Variants in COL21A1 observed in about 807,000 individuals in gnomAD.
The protein encoded by COL21A1 is collagen alpha-1(XXI) chain.
In COL21A1, 149 loss-of-function variants were observed where a neutral mutation model predicts 137.9. That is an observed-to-expected ratio of 1.08 (90% confidence interval 0.95 to 1.24). The LOEUF is 1.24. COL21A1 is among the 50% of genes most tolerant of loss of function. The pLI, the probability that COL21A1 is intolerant of heterozygous loss-of-function variation, is 0.00. For synonymous variants in COL21A1, 456 were observed against 391.5 expected (o/e 1.16, Z -1.95); for missense variants, 1,167 against 1,158.4 (o/e 1.01, Z -0.11).
intron 1 of COL21A1, among the ~76,000 whole-genome samples, chr6:56,197,554 A>G (rs1270465134): frequency 6.6e-6 from 1 of 152,142 alleles, no homozygotes; most frequent in Non-Finnish European, 1.5e-5. Flanking sequence ...TGATGTAAAT[A>G]GACAATTTTC....
intron 1 of COL21A1, among the ~76,000 whole-genome samples, chr6:56,354,058 G>T (rs929893831): frequency 1.3e-5 from 2 of 152,200 alleles, no homozygotes; most frequent in Non-Finnish European, 2.9e-5. Context: ...AACAGAGAAT[G>T]AACTATTGCT....
At chr6:56,247,624 C>G (rs1213169146), upstream of COL21A1, 1 of 152,398 alleles carries the variant, frequency 6.6e-6, no homozygotes, top group African/African-American at 2.4e-5. Flanking sequence ...TCGCGCTCCC[C>G]ACCCGCCCCC....
chr6:56,194,121 C>T (rs879913987), intron 1 of COL21A1, among the ~76,000 whole-genome samples: 3 of 152,092 alleles, frequency 2.0e-5, no homozygotes, highest in Non-Finnish European at 2.9e-5. Context: ...ACCTTTCTTC[C>T]CAAAAGCCTC....
intron 1 of COL21A1, among the ~76,000 whole-genome samples, chr6:56,282,867 A>T (rs1309205404): frequency 6.6e-6 from 1 of 152,214 alleles, no homozygotes; most frequent in African/African-American, 2.4e-5. Context: ...AACCTATTGT[A>T]TGGCCACTTG....
In COL21A1 at chr6:56,200,843, G is replaced by A. The variant is rs200084460; in HGVS notation, c.-38-18187C>T. Among the ~76,000 whole-genome samples, 40 of 152,140 alleles carry A rather than the reference G, an allele frequency of 2.6e-4. 1 individual carries two copies. The East Asian group carries it at 7.7e-3, about 29-fold the overall frequency. On this transcript the variant is annotated intron_variant, in intron 1 of 29. Transcript: ENST00000244728. ...CAGTAATGGGATGGCTGGGTCAAATGGTACTTCTAGTTCTAGATGCCTGAG... is the reference window on the plus strand; with the variant it reads ...CAGTAATGGGATGGCTGGGTCAAATAGTACTTCTAGTTCTAGATGCCTGAG...
intron 12 of COL21A1, among the ~76,000 whole-genome samples, chr6:56,137,661 T>C (rs1379032271): frequency 2.0e-5 from 3 of 152,060 alleles, no homozygotes; most frequent in East Asian, 1.9e-4. Context: ...AAAAATCAAG[T>C]TTAGAACCAA....
intron 16 of COL21A1, among the ~76,000 whole-genome samples, chr6:56,122,139 G>A (rs1391548812): frequency 6.6e-6 from 1 of 151,558 alleles, no homozygotes. Flanking sequence ...CATGGTAATT[G>A]AAAGAACAAA....
intron 17 of COL21A1, among the ~76,000 whole-genome samples, chr6:56,100,830 T>G (rs1303365293): frequency 6.6e-6 from 1 of 152,158 alleles, no homozygotes; most frequent in African/African-American, 2.4e-5. Flanking sequence ...AACTGAACAC[T>G]TTGTGATAAA....
At chr6:56,318,278 T>A (rs1042703245) in intron 1 of COL21A1, among the ~76,000 whole-genome samples, 2 of 152,164 alleles carry the variant, frequency 1.3e-5, no homozygotes, top group Non-Finnish European at 2.9e-5. Flanking sequence ...TACTTACTCC[T>A]ATCCCTGTAC....
At chr6:56,264,859 C>G (rs931579828) in intron 1 of COL21A1, among the ~76,000 whole-genome samples, 1 of 152,182 alleles carries the variant, frequency 6.6e-6, no homozygotes, top group Non-Finnish European at 1.5e-5. Context: ...CTAAGTCCAA[C>G]GTACTGAAGT....
chr6:56,077,379 A>T (rs1316315102), intron 18 of COL21A1, 150 bp downstream of exon 18: 2 of 593,016 alleles, frequency 3.4e-6, no homozygotes, highest in Admixed American at 3.4e-5. Context: ...CAATATATAC[A>T]AATTTGTAAA....
chr6:56,099,263 T>C (rs1167567712), intron 17 of COL21A1, among the ~76,000 whole-genome samples: 2 of 143,778 alleles, frequency 1.4e-5, no homozygotes, highest in Non-Finnish European at 3.0e-5. Flanking sequence ...AGAGGGAGTT[T>C]AGCTCTGTCG....
intron 2 of COL21A1, among the ~76,000 whole-genome samples, chr6:56,182,189 T>C (rs2152282805): frequency 6.6e-6 from 1 of 152,322 alleles, no homozygotes; most frequent in South Asian, 2.1e-4. Flanking sequence ...GCCTTTGACA[T>C]GCATTATCTC....
intron 16 of COL21A1, among the ~76,000 whole-genome samples, chr6:56,114,386 T>C (rs1771720964): frequency 1.3e-5 from 2 of 152,238 alleles, no homozygotes; most frequent in Non-Finnish European, 2.9e-5. Flanking sequence ...CTCTTGCTTT[T>C]CTAGTTCTTT....
chr6:56,320,393 A>T (rs1448861659), intron 1 of COL21A1, among the ~76,000 whole-genome samples: 2 of 151,808 alleles, frequency 1.3e-5, no homozygotes, highest in Non-Finnish European at 2.9e-5. Flanking sequence ...GATATCTTCA[A>T]CTCAAGATTG....
At chr6:56,160,584 A>G (rs1776121105) in intron 9 of COL21A1, among the ~76,000 whole-genome samples, 1 of 152,216 alleles carries the variant, frequency 6.6e-6, no homozygotes, top group African/African-American at 2.4e-5. Context: ...CTAAATTCCC[A>G]ATCCACCTTA....
intron 1 of COL21A1, among the ~76,000 whole-genome samples, chr6:56,311,122 A>T (rs1582772604): frequency 6.6e-6 from 1 of 152,226 alleles, no homozygotes; most frequent in East Asian, 1.9e-4. Context: ...CAAAACTCTT[A>T]ATATTAGCCC....
At position 56,328,853 on chromosome 6, in the gene COL21A1, T is replaced by C. The variant is rs548252496; in HGVS notation, c.-39+65118A>G. Among the ~76,000 whole-genome samples the C allele has an allele frequency of 4.6e-5, 7 of 152,200 alleles. No homozygotes were observed. In the East Asian group the frequency reaches 1.4e-3, roughly 29 times the overall value. The stretch of plus-strand genomic sequence containing the variant: ...TAATCAAGCTCACAGACGGTCATTT[T>C]GGGGGTGCAGCTCCTAACACCATGA... On this transcript the variant is annotated intron_variant, in intron 1 of 28. Coordinates refer to the COL21A1 transcript ENST00000370819.
At chr6:56,237,570 A>T (rs947816519) in intron 1 of COL21A1, among the ~76,000 whole-genome samples, 2 of 152,128 alleles carry the variant, frequency 1.3e-5, no homozygotes, top group Non-Finnish European at 2.9e-5. Context: ...TAGAAAGGAG[A>T]TTTGGAACTC....
Sources: allele counts gnomAD v4.1 joint callset (sites outside exome capture counted in the v4.1 genomes callset), GRCh38; gene constraint gnomAD v4.1.1; transcripts MANE v1.5; gene names NCBI Gene and HGNC (gene_info 2026-07-23, HGNC 2026-07-21).